DOCK11: variants seen among roughly 807,000 people sequenced by gnomAD.
The protein encoded by DOCK11 is dedicator of cytokinesis 11, also known as dedicator of cytokinesis protein 11.
A neutral mutation model predicts 169.1 loss-of-function variants in DOCK11; 70 were observed. The ratio of observed to expected loss-of-function variants is 0.41; its 90% CI spans 0.34 to 0.51. The LOEUF is 0.51. Ranked by LOEUF, DOCK11 falls within the 20% of genes least tolerant of loss-of-function variation. DOCK11 has a pLI of 0.10. For missense variants in DOCK11, 1,166 were observed against 1,538.8 expected (o/e 0.76, Z 4.05); for synonymous variants, 529 against 541.3 (o/e 0.98, Z 0.32).
chrX:118,660,102 G>C (rs2016174932), intron 44 of DOCK11, among the ~76,000 whole-genome samples: 1 of 111,655 alleles, frequency 9.0e-6, no homozygotes, highest in South Asian at 3.7e-4. Flanking sequence ...GATCAAGTGG[G>C]ATGGTTTCTT....
chrX:118,539,536 T>C (rs1013645008), intron 1 of DOCK11, among the ~76,000 whole-genome samples: 2 of 111,251 alleles, frequency 1.8e-5, no homozygotes, highest in African/African-American at 6.6e-5. Flanking sequence ...ATGCTGAATA[T>C]GCCTAATAAT....
intron 22 of DOCK11, 24 bp downstream of exon 22, chrX:118,598,140 G>T: frequency 9.0e-7 from 1 of 1,112,586 alleles, no homozygotes; most frequent in East Asian, 3.0e-5. Context: ...TTTGAATTTT[G>T]TCAATTTTTA....
At chrX:118,603,754 A>G (rs914194531) in intron 23 of DOCK11, among the ~76,000 whole-genome samples, 1 of 112,111 alleles carries the variant, frequency 8.9e-6, no homozygotes, top group Non-Finnish European at 1.9e-5. Context: ...CCTTTGTCGA[A>G]TGAGAAAATG....
chrX:118,544,805 C>T (rs1427646918), intron 4 of DOCK11, among the ~76,000 whole-genome samples: 3 of 95,683 alleles, frequency 3.1e-5, no homozygotes, highest in East Asian at 5.9e-4. Context: ...GGCTTACAGG[C>T]ACCCGCCATC....
chrX:118,559,077 AT>A (rs2012819896), intron 6 of DOCK11, among the ~76,000 whole-genome samples: 1 of 111,976 alleles, frequency 8.9e-6, no homozygotes, highest in Non-Finnish European at 1.9e-5. Flanking sequence ...CTAGTGTCAC[AT>A]TTAGATATAA....
intron 7 of DOCK11, among the ~76,000 whole-genome samples, chrX:118,562,978 G>A: frequency 8.9e-6 from 1 of 112,296 alleles, no homozygotes; most frequent in Non-Finnish European, 1.9e-5. Flanking sequence ...AATTACCAGG[G>A]TTCTGCACAC....
At chrX:118,569,475 T>C (rs1299356602) in intron 10 of DOCK11, 1 of 111,541 alleles carries the variant, frequency 9.0e-6, no homozygotes, top group Non-Finnish European at 1.9e-5. Flanking sequence ...TGTAATTGAC[T>C]GAACAATCAA....
In DOCK11 at chrX:118,634,791, C is replaced by T. The variant is rs998751067; in HGVS notation, c.3887-1555C>T. Among the ~76,000 whole-genome samples, 4 of 112,028 alleles carry T rather than the reference C, an allele frequency of 3.6e-5. No homozygotes were observed. The East Asian group carries it at 8.4e-4, about 24-fold the overall frequency. On this transcript the variant is annotated intron_variant, in intron 35 of 52. Transcript: ENST00000276202. The stretch of plus-strand genomic sequence containing the variant: ...GAGCCCAGGCTGGAGAGCAGTGGCG[C>T]GATCTCAGCTCACTGCAACCTCCGC...
intron 12 of DOCK11, among the ~76,000 whole-genome samples, chrX:118,574,269 T>A (rs761360464): frequency 9.0e-6 from 1 of 111,674 alleles, no homozygotes; most frequent in Admixed American, 9.5e-5. Context: ...TTTTGTGAGA[T>A]AGAAAGCTGA....
At chrX:118,643,318 G>T (rs1196020303) in intron 39 of DOCK11, 139 bp from the exon 40 acceptor site, 7 of 595,915 alleles carry the variant, frequency 1.2e-5, no homozygotes, top group Admixed American at 6.7e-5. Flanking sequence ...TTGAAAGATG[G>T]CACAAATATT....
chrX:118,538,355 G>A (rs1009511828), intron 1 of DOCK11, among the ~76,000 whole-genome samples: 2 of 112,040 alleles, frequency 1.8e-5, no homozygotes, highest in African/African-American at 3.2e-5. Context: ...TTGACAAAGC[G>A]TTTGGTAACA....
At chrX:118,581,252 CTATT>C (rs1260489244) in intron 14 of DOCK11, among the ~76,000 whole-genome samples, 1 of 111,013 alleles carries the variant, frequency 9.0e-6, no homozygotes, top group Non-Finnish European at 1.9e-5. Flanking sequence ...TTATTTGTCA[CTATT>C]TATAATCATT....
chrX:118,673,383 GA>G (rs766089246), intron 46 of DOCK11, among the ~76,000 whole-genome samples: 1 of 111,445 alleles, frequency 9.0e-6, no homozygotes, highest in African/African-American at 3.3e-5. Flanking sequence ...GAGGTAGGAG[GA>G]TTGCTTAAGT....
intron 1 of DOCK11, among the ~76,000 whole-genome samples, chrX:118,516,238 G>A (rs772564060): frequency 4.2e-4 from 42 of 100,220 alleles, no homozygotes; most frequent in Admixed American, 2.7e-3. Context: ...GACTACAGGC[G>A]CCCACCACCA....
chrX:118,544,909 G>A (rs1423382506), intron 4 of DOCK11, among the ~76,000 whole-genome samples: 1 of 106,252 alleles, frequency 9.4e-6, no homozygotes, highest in East Asian at 2.9e-4. Flanking sequence ...GACCTCAGGT[G>A]ATCCACCCGC....
At chrX:118,528,468 A>G (rs912008202) in intron 1 of DOCK11, among the ~76,000 whole-genome samples, 1 of 111,708 alleles carries the variant, frequency 9.0e-6, no homozygotes, top group African/African-American at 3.3e-5. Context: ...GCACTGTCAC[A>G]TTGAGAGGAT....
intron 29 of DOCK11, among the ~76,000 whole-genome samples, chrX:118,615,053 G>A (rs966418095): frequency 1.1e-4 from 12 of 111,968 alleles, no homozygotes; most frequent in South Asian, 7.5e-4. Flanking sequence ...CAGCTGAATC[G>A]GGAAAGGAAA....
intron 45 of DOCK11, among the ~76,000 whole-genome samples, chrX:118,663,292 A>G (rs1229511243): frequency 2.7e-5 from 3 of 112,253 alleles, no homozygotes; most frequent in Admixed American, 9.5e-5. Flanking sequence ...CTGACCTCCA[A>G]GGTCCACCTG....
chrX:118,595,262 CAGA>C (rs1404832828), intron 20 of DOCK11, among the ~76,000 whole-genome samples: 14 of 111,321 alleles, frequency 1.3e-4, no homozygotes, highest in African/African-American at 4.2e-4. Context: ...AAGGGAAGTG[CAGA>C]AGAAGAACAT....
Sources: allele counts gnomAD v4.1 joint callset (sites outside exome capture counted in the v4.1 genomes callset), GRCh38; gene constraint gnomAD v4.1.1; transcripts MANE v1.5; gene names NCBI Gene and HGNC (gene_info 2026-07-23, HGNC 2026-07-21).